PPARGC1A: variants seen among roughly 807,000 people sequenced by gnomAD.
PPARGC1A encodes PPARG coactivator 1 alpha.
PPARGC1A carries 25 observed loss-of-function variants against 88.7 expected under a neutral mutation model. The ratio of observed to expected loss-of-function variants is 0.28; its 90% confidence interval spans 0.21 to 0.39. The LOEUF is 0.39. PPARGC1A is among the 10% of genes least tolerant of loss of function. PPARGC1A has a pLI of 1.00. For synonymous variants in PPARGC1A, 363 were observed against 355.6 expected (o/e 1.02, Z -0.24); for missense variants, 880 against 968.7 (o/e 0.91, Z 1.22).
chr4:24,387,865 A>C, the PPARGC1A span, among the ~76,000 whole-genome samples: 1 of 125,216 alleles, frequency 8.0e-6, no homozygotes, highest in Non-Finnish European at 1.7e-5. Flanking sequence ...AGAAAGAGAG[A>C]AAGGAAGAAA....
At chr4:24,381,388 C>T in the PPARGC1A span, among the ~76,000 whole-genome samples, 1 of 152,126 alleles carries the variant, frequency 6.6e-6, no homozygotes, top group Non-Finnish European at 1.5e-5. Context: ...TAGAAGTAAA[C>T]ACAGGACCAC....
the PPARGC1A span, among the ~76,000 whole-genome samples, chr4:23,947,664 C>T: frequency 3.3e-5 from 5 of 151,926 alleles, no homozygotes; most frequent in African/African-American, 4.8e-5. Context: ...GTTTCACAGC[C>T]GTTAGATGTG....
the PPARGC1A span, among the ~76,000 whole-genome samples, chr4:24,407,806 T>G: frequency 3.3e-5 from 5 of 152,216 alleles, no homozygotes; most frequent in Non-Finnish European, 7.3e-5. Flanking sequence ...ATCCATTAAT[T>G]CATGTAAAGT....
chr4:24,084,258 C>A, the PPARGC1A span, among the ~76,000 whole-genome samples: 1 of 152,188 alleles, frequency 6.6e-6, no homozygotes, highest in African/African-American at 2.4e-5. Flanking sequence ...CTGCAAAGTT[C>A]TAGGCTATAG....
chr4:24,469,845 C>G, the PPARGC1A span, among the ~76,000 whole-genome samples: 1 of 152,164 alleles, frequency 6.6e-6, no homozygotes, highest in Non-Finnish European at 1.5e-5. Flanking sequence ...AAACCTGCCC[C>G]CATCCAGTCC....
chr4:24,247,347 T>C, the PPARGC1A span, among the ~76,000 whole-genome samples: 3 of 152,182 alleles, frequency 2.0e-5, no homozygotes, highest in Non-Finnish European at 2.9e-5. Flanking sequence ...CTTTAAATTT[T>C]CAGCCACAAA....
At chr4:24,218,387 T>A in the PPARGC1A span, among the ~76,000 whole-genome samples, 2 of 152,216 alleles carry the variant, frequency 1.3e-5, no homozygotes, top group Non-Finnish European at 1.5e-5. Context: ...TGAAAAGCCC[T>A]GGACAAAACC....
At chr4:24,246,569 T>C in the PPARGC1A span, among the ~76,000 whole-genome samples, 67 of 152,322 alleles carry the variant, frequency 4.4e-4, no homozygotes, top group African/African-American at 1.6e-3. Flanking sequence ...TGAGCTGTCA[T>C]GAAACCACTG....
In PPARGC1A at chr4:23,801,977, G is replaced by A. The variant is rs933614243; in HGVS notation, c.2142-96C>T. On this transcript the variant is annotated intron_variant, in intron 11 of 12. Transcript: ENST00000264867. ...TTTGTGAGACTTCTCCAGTGCCAAC[G>A]TCTGAGCCACTGAATCCATTTATCA... 47 of 1,451,328 alleles carry A rather than the reference G, an allele frequency of 3.2e-5. No individual in the cohort carries two copies. The Admixed American group carries it at 3.5e-4, about 11-fold the overall frequency. 89.9% of individuals were successfully genotyped at this position (1,451,328 alleles called of 1,614,324 possible). A position where few individuals can be genotyped will look rare whatever the true frequency, so the allele number is the denominator to read the frequency against.
At chr4:24,387,904 G>GAA in the PPARGC1A span, among the ~76,000 whole-genome samples, 1,718 of 25,172 alleles carry the variant, frequency 0.068, 119 homozygotes, top group Admixed American at 0.13. Context: ...GAAAAAGAAA[G>GAA]AGAAAGAAAG....
the PPARGC1A span, among the ~76,000 whole-genome samples, chr4:24,250,251 G>T: frequency 6.6e-6 from 1 of 152,202 alleles, no homozygotes; most frequent in East Asian, 1.9e-4. Context: ...TTACATTCTG[G>T]TTTCCTGCAA....
the PPARGC1A span, among the ~76,000 whole-genome samples, chr4:24,103,984 G>C: frequency 3.3e-5 from 5 of 152,158 alleles, no homozygotes; most frequent in South Asian, 6.2e-4. Context: ...GAAGATTAAG[G>C]CCGATGAATA....
chr4:24,231,627 G>C, the PPARGC1A span, among the ~76,000 whole-genome samples: 3 of 152,196 alleles, frequency 2.0e-5, no homozygotes. Flanking sequence ...GTTTGTACAG[G>C]AGGTCTAGTA....
At chr4:23,990,246 A>T in the PPARGC1A span, among the ~76,000 whole-genome samples, 3 of 150,288 alleles carry the variant, frequency 2.0e-5, no homozygotes, top group Non-Finnish European at 4.4e-5. Context: ...AACAATAATA[A>T]ATTGAGCCTT....
the PPARGC1A span, among the ~76,000 whole-genome samples, chr4:24,122,099 T>C: frequency 2.6e-5 from 4 of 152,080 alleles, 1 homozygote; most frequent in Non-Finnish European, 5.9e-5. Context: ...TTGGGTTCGG[T>C]GTGACAGTGT....
Position 23,847,194 on chromosome 4 carries a change from G to C in PPARGC1A, c.235-15443C>G, listed in dbSNP as rs565183385. On this transcript the variant is annotated intron_variant, in intron 2 of 12. Transcript: ENST00000264867. Reference sequence around the variant, plus strand: ...TTAAATAATAAAAACTTTGAGGAAAGGTGAGAATATTTGTTATGATCTAAT... The same window carrying C: ...TTAAATAATAAAAACTTTGAGGAAACGTGAGAATATTTGTTATGATCTAAT... Among the ~76,000 whole-genome samples, 3 of 152,236 alleles carry C rather than the reference G, an allele frequency of 2.0e-5. No individual in the cohort carries two copies. In the South Asian group the frequency reaches 6.2e-4, roughly 32 times the overall value.
chr4:24,089,074 G>A, the PPARGC1A span, among the ~76,000 whole-genome samples: 1 of 152,294 alleles, frequency 6.6e-6, no homozygotes, highest in Admixed American at 6.5e-5. Context: ...GAAAATAGTA[G>A]GTAAGTAGAA....
the PPARGC1A span, among the ~76,000 whole-genome samples, chr4:24,395,333 T>C: frequency 2.6e-5 from 4 of 152,216 alleles, no homozygotes; most frequent in Non-Finnish European, 4.4e-5. Flanking sequence ...TTCCTTATTA[T>C]ACCCAAAGAG....
the PPARGC1A span, among the ~76,000 whole-genome samples, chr4:24,377,366 C>T: frequency 6.6e-6 from 1 of 151,980 alleles, no homozygotes; most frequent in Non-Finnish European, 1.5e-5. Flanking sequence ...AAAAGTAATA[C>T]ATAAATAAAT....
Sources: allele counts gnomAD v4.1 joint callset (sites outside exome capture counted in the v4.1 genomes callset), GRCh38; gene constraint gnomAD v4.1.1; transcripts MANE v1.5; gene names NCBI Gene and HGNC (gene_info 2026-07-23, HGNC 2026-07-21).